The following FBXL2 variants were observed in gnomAD, a reference collection of about 807,000 sequenced individuals.
The protein encoded by FBXL2 is F-box/LRR-repeat protein 2.
A neutral mutation model predicts 69.2 loss-of-function variants in FBXL2; 38 were observed. That is an observed-to-expected ratio of 0.55 (90% CI 0.42 to 0.72). The LOEUF (loss-of-function observed/expected upper bound fraction) is 0.72. Among genes scored for constraint, FBXL2 ranks in the 30% least tolerant of loss-of-function variants. The probability of loss-of-function intolerance (pLI) is 0.00; values close to 1 mark genes in which losing one functional copy is unlikely to be tolerated. For synonymous variants in FBXL2, 192 were observed against 201.3 expected, an observed-to-expected ratio of 0.95 and a Z score of 0.39; for missense variants, 354 against 520.3, an observed-to-expected ratio of 0.68 and a Z score of 3.11.
At chr3:33,352,686 A>G (rs2040907470) in intron 2 of FBXL2, among the ~76,000 whole-genome samples, 1 of 152,230 alleles carries the variant, frequency 6.6e-6, no homozygotes, top group East Asian at 1.9e-4. Context: ...ACTTAAGGTC[A>G]GGAGTTCAAG....
chr3:33,299,682 G>A (rs1424744769), intron 2 of FBXL2, among the ~76,000 whole-genome samples: 1 of 152,088 alleles, frequency 6.6e-6, no homozygotes, highest in African/African-American at 2.4e-5. Context: ...GGTGTTGTTT[G>A]ACACTGTTGT....
intron 5 of FBXL2, among the ~76,000 whole-genome samples, chr3:33,369,293 C>A (rs549427753): frequency 6.6e-6 from 1 of 152,206 alleles, no homozygotes; most frequent in African/African-American, 2.4e-5. Context: ...CTCAAATGAT[C>A]TGCCCACCTC....
the FBXL2 span, among the ~76,000 whole-genome samples, chr3:33,411,098 A>G: frequency 5.9e-5 from 9 of 151,616 alleles, no homozygotes; most frequent in African/African-American, 1.2e-4. Context: ...AAAGTGCTCC[A>G]AGAATAACTA....
At chr3:33,396,106 C>G in intron 12 of FBXL2, 2 of 1,444,720 alleles carry the variant, frequency 1.4e-6, no homozygotes, top group Non-Finnish European at 1.9e-6. Flanking sequence ...CGAGTCCTTT[C>G]CGTTTCTGTC....
Position 33,331,709 on chromosome 3 carries a change from C to T in FBXL2, c.66-27258C>T, listed in dbSNP as rs573364677. ...TAAGATTCCTGAGCTTTCCACACCT[C>T]ACTAATCGGATGAAAATGAGATCAT... On this transcript the variant is annotated intron_variant, in intron 2 of 14. Coordinates refer to ENST00000484457, the MANE Select transcript of FBXL2 (RefSeq NM_012157.5). Among the ~76,000 whole-genome samples the T allele has an allele frequency of 3.5e-3, 535 of 152,238 alleles. 1 individual carries two copies. Among genetic ancestry groups the T allele is most frequent in the Non-Finnish European group, 5.6e-3 (381 of 68,014 alleles).
chr3:33,421,918 C>T, the FBXL2 span, among the ~76,000 whole-genome samples: 20 of 152,184 alleles, frequency 1.3e-4, no homozygotes, highest in African/African-American at 4.8e-4. Flanking sequence ...GTGGCATGTG[C>T]CCATAGTCCT....
intron 13 of FBXL2, among the ~76,000 whole-genome samples, chr3:33,379,100 C>T (rs999260367): frequency 4.6e-5 from 7 of 152,112 alleles, no homozygotes; most frequent in South Asian, 4.2e-4. Context: ...CTCCACCTCC[C>T]AGGTTCAAGC....
intron 2 of FBXL2, among the ~76,000 whole-genome samples, chr3:33,325,405 T>A (rs570309639): frequency 6.6e-6 from 1 of 152,342 alleles, no homozygotes; most frequent in East Asian, 1.9e-4. Context: ...TTTTGCCCAT[T>A]CAGTATGATA....
At chr3:33,360,120 T>C (rs2041504555) in intron 4 of FBXL2, among the ~76,000 whole-genome samples, 1 of 152,202 alleles carries the variant, frequency 6.6e-6, no homozygotes, top group Non-Finnish European at 1.5e-5. Flanking sequence ...CCTAATTGAT[T>C]TCCAGTTTAG....
chr3:33,394,168 C>T (rs986044954), intron 12 of FBXL2, among the ~76,000 whole-genome samples: 2 of 149,906 alleles, frequency 1.3e-5, no homozygotes, highest in Non-Finnish European at 3.0e-5. Context: ...GGTGGGGGCA[C>T]ACGCCACCAT....
At chr3:33,310,332 A>G (rs1267805675) in intron 2 of FBXL2, among the ~76,000 whole-genome samples, 1 of 151,688 alleles carries the variant, frequency 6.6e-6, no homozygotes, top group Non-Finnish European at 1.5e-5. Context: ...TTTGTATTTT[A>G]GTAGAGATGG....
chr3:33,277,368 G>A (rs375359544), upstream of FBXL2: 551 of 865,384 alleles, frequency 6.4e-4, 1 homozygote, highest in Admixed American at 1.2e-3. Flanking sequence ...CCGCCCCTGC[G>A]GGTCACGTGC....
At chr3:33,349,296 A>T (rs892690076) in intron 2 of FBXL2, among the ~76,000 whole-genome samples, 4 of 151,984 alleles carry the variant, frequency 2.6e-5, no homozygotes, top group Admixed American at 2.0e-4. Flanking sequence ...TAGTTTGTTG[A>T]GGGGTTTTAT....
intron 1 of FBXL2, among the ~76,000 whole-genome samples, chr3:33,293,438 A>G (rs1391676223): frequency 1.3e-5 from 2 of 152,234 alleles, no homozygotes; most frequent in African/African-American, 4.8e-5. Flanking sequence ...ACAAAGGTGT[A>G]AGTGGAAGAT....
At chr3:33,317,977 G>T (rs1352546948) in intron 2 of FBXL2, among the ~76,000 whole-genome samples, 1 of 152,098 alleles carries the variant, frequency 6.6e-6, no homozygotes, top group East Asian at 1.9e-4. Flanking sequence ...GGGAACCTTA[G>T]GATTAGTTGA....
chr3:33,418,699 A>C, the FBXL2 span, among the ~76,000 whole-genome samples: 6 of 151,788 alleles, frequency 4.0e-5, no homozygotes, highest in Non-Finnish European at 5.9e-5. Flanking sequence ...TCTCTACTAA[A>C]AATACAAAAA....
In FBXL2 at chr3:33,324,327, T is replaced by G. The variant is rs188089800; in HGVS notation, c.65+26602T>G. On this transcript the variant is annotated intron_variant, in intron 2 of 14. Coordinates refer to ENST00000484457, the MANE Select transcript of FBXL2 (RefSeq NM_012157.5). The stretch of plus-strand genomic sequence containing the variant: ...TTTAATTAGATCCCATTTGTCAATT[T>G]TGGCTTTTGTTGGCATTGCTTTTGG... 3.9e-5 allele frequency among the ~76,000 whole-genome samples: 6 copies of G among 152,310 alleles called. No homozygotes were observed. In the East Asian group the frequency reaches 1.2e-3, roughly 29 times the overall value.
At chr3:33,391,462 A>G (rs924508406), downstream of FBXL2, 2 of 152,106 alleles carry the variant, frequency 1.3e-5, no homozygotes, top group Non-Finnish European at 2.9e-5. Context: ...GTCACTGCTG[A>G]TATGCTGAAG....
At chr3:33,333,660 G>T (rs2039342556) in intron 2 of FBXL2, among the ~76,000 whole-genome samples, 1 of 152,160 alleles carries the variant, frequency 6.6e-6, no homozygotes, top group East Asian at 1.9e-4. Context: ...AGGGGTGGGT[G>T]CCTGGTCATG....
Sources: gnomAD v4.1 joint callset for allele counts (sites outside exome capture counted in the v4.1 genomes callset) on GRCh38, gnomAD v4.1.1 for gene constraint, MANE v1.5 for transcripts, NCBI Gene and HGNC (gene_info 2026-07-23, HGNC 2026-07-21) for gene names.